Variants in ANKRD60 observed in about 807,000 individuals in gnomAD.
The protein encoded by ANKRD60 is ankyrin repeat domain 60, also known as ankyrin repeat domain-containing protein 60.
Under a neutral mutation model 21.3 loss-of-function variants are expected in ANKRD60, and 24 were observed. The ratio of observed to expected loss-of-function variants is 1.13; its 90% CI spans 0.82 to 1.59. The LOEUF (loss-of-function observed/expected upper bound fraction) is 1.59. ANKRD60 is among the 40% of genes most tolerant of loss of function. The pLI, the probability that ANKRD60 is intolerant of heterozygous loss-of-function variation, is 0.00. For synonymous variants in ANKRD60, 182 were observed against 199.4 expected, an observed-to-expected ratio of 0.91 and a Z score of 0.74; for missense variants, 490 against 466.7, an observed-to-expected ratio of 1.05 and a Z score of -0.46.
chr20:58,216,601 T>C (rs865983242), downstream of ANKRD60, among the ~76,000 whole-genome samples: 2 of 152,246 alleles, frequency 1.3e-5, no homozygotes, highest in South Asian at 2.1e-4. Flanking sequence ...TAGTTGATGC[T>C]GAGCTATTTT....
intron 2 of ANKRD60, among the ~76,000 whole-genome samples, chr20:58,221,987 G>A (rs777090262): frequency 4.6e-5 from 7 of 152,156 alleles, no homozygotes; most frequent in East Asian, 1.9e-4. Flanking sequence ...TAACCACCTC[G>A]TGGTGAATTA....
At chr20:58,225,765 A>G (rs1044695873) in intron 1 of ANKRD60, among the ~76,000 whole-genome samples, 2 of 152,218 alleles carry the variant, frequency 1.3e-5, no homozygotes. Flanking sequence ...TCTGTGCAGC[A>G]GCAGCTCAGA....
chr20:58,220,634 A>G (rs1337493865), intron 3 of ANKRD60, among the ~76,000 whole-genome samples: 1 of 151,926 alleles, frequency 6.6e-6, no homozygotes, highest in Non-Finnish European at 1.5e-5. Context: ...CCTGCCATCC[A>G]CCACAGAGCT....
exon 4 of ANKRD60, chr20:58,218,671 T>G (rs966130919): frequency 1.4e-5 from 21 of 1,551,720 alleles, no homozygotes; most frequent in Non-Finnish European, 1.8e-5. Context: ...GAGATGGGGG[T>G]CTCCCCCTTG....
chr20:58,228,589 G>GCCGCCCGCGCT lies in ANKRD60; in HGVS notation c.54_64dup (p.Ala22GlufsTer99), dbSNP rs1350047932. On this transcript the variant is annotated frameshift_variant, in exon 1 of 4. Coordinates refer to ENST00000457363, the Ensembl canonical transcript of ANKRD60. LOFTEE classifies it high-confidence loss of function. This position sits in a 1 kb window ranked among gnomAD's most constrained non-coding sequence, Gnocchi z 5.3. ...GCGAGAGGCGCCCCCAGTTGGCCCC[G>GCCGCCCGCGCT]CCGCCCGCGCTCCGCCCGCCCCCGC... is the stretch of plus-strand genomic sequence containing the variant. 8.8e-6 allele frequency: 10 copies of GCCGCCCGCGCT among 1,133,034 alleles called. No homozygotes were observed. Among genetic ancestry groups the GCCGCCCGCGCT allele is most frequent in the East Asian group, 4.4e-5 (1 of 22,658 alleles). 70.2% of individuals were successfully genotyped at this position (1,133,034 alleles called of 1,614,324 possible).
At chr20:58,218,609 G>A in exon 4 of ANKRD60, 1 of 1,551,786 alleles carries the variant, frequency 6.4e-7, no homozygotes, top group Non-Finnish European at 8.7e-7. Flanking sequence ...CTATCCGGTG[G>A]AGGAGGACCA....
downstream of ANKRD60, among the ~76,000 whole-genome samples, chr20:58,216,280 A>T (rs1177014738): frequency 6.6e-6 from 1 of 152,208 alleles, no homozygotes; most frequent in Non-Finnish European, 1.5e-5. Flanking sequence ...CACCATGAAG[A>T]GTTTGGGACC....
In ANKRD60 at chr20:58,228,341, C is replaced by A; in HGVS notation, c.313G>T (p.Glu105Ter). 6.4e-7 allele frequency: 1 copy of A among 1,550,996 alleles called. No individual in the cohort carries two copies. Among genetic ancestry groups the A allele is most frequent in the Non-Finnish European group, 8.7e-7 (1 of 1,146,930 alleles). The change falls in exon 1 of 4, where the codon GAG becomes TAG. Residue 105 changes from glutamate to a stop codon, truncating the protein, a stop_gained. Coordinates refer to ENST00000457363, the Ensembl canonical transcript of ANKRD60. LOFTEE classifies it high-confidence loss of function. The surrounding 1 kb of genome is among the most constrained non-coding windows in gnomAD (Gnocchi z 5.3). ...CGGCAGTTTGCCACTCGGAACATCT[C>A]CCCCGTCTCCTCCAGCCGCACCCGC...
chr20:58,216,157 G>A (rs1054607468), downstream of ANKRD60, among the ~76,000 whole-genome samples: 18 of 152,064 alleles, frequency 1.2e-4, no homozygotes, highest in East Asian at 1.9e-4. Context: ...ATTTTATTTC[G>A]TAAGTGATAC....
At chr20:58,222,690 C>A (rs1168246687) in intron 2 of ANKRD60, among the ~76,000 whole-genome samples, 1 of 152,246 alleles carries the variant, frequency 6.6e-6, no homozygotes, top group Admixed American at 6.5e-5. Flanking sequence ...TGTACCACAG[C>A]CCCGAGCTCT....
At chr20:58,221,072 T>G (rs1168140232) in intron 3 of ANKRD60, among the ~76,000 whole-genome samples, 1 of 152,174 alleles carries the variant, frequency 6.6e-6, no homozygotes, top group Non-Finnish European at 1.5e-5. Context: ...CGCCTGTGTC[T>G]TGGGTCCTGA....
At chr20:58,223,077 G>A (rs868673735) in exon 2 of ANKRD60, 64 of 1,550,550 alleles carry the variant, frequency 4.1e-5, no homozygotes, top group East Asian at 1.5e-4. Flanking sequence ...TTCCACAGCC[G>A]CCAAAACAAG....
chr20:58,218,714 G>C, exon 4 of ANKRD60: 1 of 1,551,696 alleles, frequency 6.4e-7, no homozygotes, highest in Non-Finnish European at 8.7e-7. Flanking sequence ...CCCCGTGCTG[G>C]AGCAGGAGGA....
chr20:58,220,683 AGTGT>A (rs36015489), intron 3 of ANKRD60, among the ~76,000 whole-genome samples: 2,547 of 148,414 alleles, frequency 0.017, 44 homozygotes, highest in African/African-American at 0.034. Context: ...GGTTTTTTCT[AGTGT>A]GTGTGTGTGT....
intron 2 of ANKRD60, among the ~76,000 whole-genome samples, chr20:58,222,486 C>A (rs1380190473): frequency 6.6e-6 from 1 of 152,238 alleles, no homozygotes; most frequent in Non-Finnish European, 1.5e-5. Flanking sequence ...AAGAATATAG[C>A]ATTGCCCCTC....
chr20:58,221,492 G>C, exon 3 of ANKRD60: 2 of 1,551,652 alleles, frequency 1.3e-6, no homozygotes, highest in Non-Finnish European at 8.7e-7. Context: ...CAGTAAGCCC[G>C]AGACAAGATA....
intron 1 of ANKRD60, among the ~76,000 whole-genome samples, chr20:58,225,411 A>G (rs1984344545): frequency 6.6e-6 from 1 of 152,228 alleles, no homozygotes; most frequent in Non-Finnish European, 1.5e-5. Flanking sequence ...ATTTCTTTCC[A>G]AATAAAGCCT....
intron 2 of ANKRD60, among the ~76,000 whole-genome samples, chr20:58,221,728 G>A (rs4811971): frequency 0.63 from 96,188 of 151,958 alleles, 31,274 homozygotes; most frequent in Middle Eastern, 0.78. Flanking sequence ...CGAATTCGCC[G>A]TCAGTCAGGC....
At chr20:58,222,460 G>A (rs192007875) in intron 2 of ANKRD60, among the ~76,000 whole-genome samples, 4 of 152,308 alleles carry the variant, frequency 2.6e-5, no homozygotes, top group East Asian at 1.9e-4. Context: ...CTTTCCATCC[G>A]AATTTCTTTT....
Sources: gnomAD v4.1 joint callset for allele counts (sites outside exome capture counted in the v4.1 genomes callset) on GRCh38, gnomAD v4.1.1 for gene constraint, Gnocchi (gnomAD v3.1) non-coding constraint, MANE v1.5 for transcripts, NCBI Gene and HGNC (gene_info 2026-07-23, HGNC 2026-07-21) for gene names.